The following DST variants were observed in gnomAD, a reference collection of about 807,000 sequenced individuals.
DST encodes dystonin.
A neutral mutation model predicts 875.2 loss-of-function variants in DST; 253 were observed. The ratio of observed to expected loss-of-function variants is 0.29; its 90% CI spans 0.26 to 0.32. DST has a LOEUF of 0.32. Ranked by LOEUF, DST falls within the 10% of genes least tolerant of loss-of-function variation. The pLI, the probability that DST is intolerant of heterozygous loss-of-function variation, is 1.00. For missense variants in DST, 8,287 were observed against 9,111.6 expected (o/e 0.91, Z 3.68); for synonymous variants, 3,124 against 3,197.1 (o/e 0.98, Z 0.77).
chr6:56,860,307 G>A (rs554644214), intron 3 of DST, among the ~76,000 whole-genome samples: 12 of 152,150 alleles, frequency 7.9e-5, no homozygotes, highest in Non-Finnish European at 1.6e-4. Flanking sequence ...GGTAGGGATC[G>A]TGGTAATTGA....
chr6:56,532,505 G>A lies in DST; in HGVS notation c.16947C>T (p.Leu5649=). 7 of 1,587,642 alleles carry A rather than the reference G, an allele frequency of 4.4e-6. No homozygotes were observed. Among genetic ancestry groups the A allele is most frequent in the Non-Finnish European group, 6.0e-6 (7 of 1,166,474 alleles). The change falls in exon 64 of 104, where the codon CTC becomes CTT. Residue 5649 remains leucine (L), a synonymous_variant. Coordinates refer to ENST00000680361, the MANE Select transcript of DST (RefSeq NM_001374736.1). ...VKAQIQEQKL[L]QRLLDDRKST... is the part of the protein sequence containing the mutation. ...ATTTTCGGTCATCCAACAATCTCTGGAGAAGCTTGAGACAAAACATTAAAT... is the reference window on the plus strand; with the variant it reads ...ATTTTCGGTCATCCAACAATCTCTGAAGAAGCTTGAGACAAAACATTAAAT...
At chr6:56,528,755 G>A (rs2096845142) in intron 67 of DST, 86 bp downstream of exon 67, 11 of 927,764 alleles carry the variant, frequency 1.2e-5, no homozygotes, top group Non-Finnish European at 1.3e-5. Flanking sequence ...ATTATAAAGT[G>A]TTTTGGTTTT....
intron 2 of DST, among the ~76,000 whole-genome samples, chr6:56,948,007 G>A (rs1820558879): frequency 6.6e-6 from 1 of 151,716 alleles, no homozygotes; most frequent in Non-Finnish European, 1.5e-5. Flanking sequence ...GCAACACATT[G>A]CCATCAATCA....
chr6:56,570,018 TAAC>T lies in DST; in HGVS notation c.13722-9_13722-7del. 6.4e-7 allele frequency: 1 copy of T among 1,559,906 alleles called. No homozygotes were observed. The highest frequency in any genetic ancestry group is 8.6e-7 in the Non-Finnish European group (1 of 1,156,914). On this transcript the variant is annotated splice_polypyrimidine_tract_variant and splice_region_variant and intron_variant, in intron 53 of 103. Coordinates refer to ENST00000680361, the MANE Select transcript of DST (RefSeq NM_001374736.1). ...AAGAAGTTACAGCTTCTTTTCTACA[TAAC>T]AAAAATCATACAAGAATTTAAGTCA...
intron 2 of DST, among the ~76,000 whole-genome samples, chr6:56,916,087 T>C (rs1488277480): frequency 6.6e-6 from 1 of 152,108 alleles, no homozygotes; most frequent in Non-Finnish European, 1.5e-5. Context: ...AGATAGGTGA[T>C]AGGGAGGAAG....
rs1344704740 is a variant in DST at position 56,670,718 on chromosome 6, A to G, written c.1137T>C (p.Tyr379=). 6.2e-7 allele frequency: 1 copy of G among 1,610,694 alleles called. No homozygotes were observed. The highest frequency in any genetic ancestry group is 8.5e-7 in the Non-Finnish European group (1 of 1,178,422). The change falls in exon 10 of 104, where the codon TAT becomes TAC. Residue 379 remains tyrosine (Y), a synonymous_variant. Coordinates refer to ENST00000680361, the MANE Select transcript of DST (RefSeq NM_001374736.1). ...TGAAATTTTCACACCGAATTCCAGC[A>G]TAACCCTCTGTTGCCTGCTGCGTCC... ...LLWTQQATEG[Y]AGIRCENFTT...
intron 5 of DST, among the ~76,000 whole-genome samples, chr6:56,724,410 G>A (rs947232475): frequency 1.3e-5 from 2 of 152,210 alleles, no homozygotes; most frequent in African/African-American, 2.4e-5. Flanking sequence ...GGTGTTTGGA[G>A]ATTCCAAGTG....
chr6:56,706,923 C>T (rs1242680332), intron 5 of DST, among the ~76,000 whole-genome samples: 4 of 152,030 alleles, frequency 2.6e-5, no homozygotes, highest in South Asian at 4.1e-4. Context: ...GAGAATCACT[C>T]GAACCCAAGA....
Position 56,463,027 on chromosome 6 carries a change from C to A in DST, c.23070+19G>T, listed in dbSNP as rs2152378829. On this transcript the variant is annotated intron_variant, in intron 102 of 103. Transcript: ENST00000680361. ...GTTAAAGGAGAATGTTAAGACTGGA[C>A]TCTGGGGCCTTACAATACCTCTGCA... is the stretch of plus-strand genomic sequence containing the variant. 3 of 1,451,566 alleles carry A rather than the reference C, an allele frequency of 2.1e-6. No homozygotes were observed. The highest frequency in any genetic ancestry group is 2.9e-6 in the Non-Finnish European group (3 of 1,037,524). 89.9% of individuals were successfully genotyped at this position (1,451,566 alleles called of 1,614,324 possible). A position where few individuals can be genotyped will look rare whatever the true frequency, so the allele number is the denominator to read the frequency against.
chr6:56,694,855 G>A (rs765380503), intron 9 of DST, among the ~76,000 whole-genome samples: 15 of 152,086 alleles, frequency 9.9e-5, no homozygotes, highest in Non-Finnish European at 1.6e-4. Flanking sequence ...GGCCAGCAAC[G>A]GCAGTTCATG....
chr6:56,771,811 T>C (rs570568334), intron 4 of DST, among the ~76,000 whole-genome samples: 1 of 152,332 alleles, frequency 6.6e-6, no homozygotes, highest in East Asian at 1.9e-4. Context: ...CACATATACA[T>C]GTATACAAAA....
Position 56,493,990 on chromosome 6 carries a change from A to G in DST, c.20394+20T>C. ...AAACAACTAAAACACTGATTCTATTATATTAATCAAAGCACATACTTTCCT... is the reference window on the plus strand; with the variant it reads ...AAACAACTAAAACACTGATTCTATTGTATTAATCAAAGCACATACTTTCCT... On this transcript the variant is annotated intron_variant, in intron 83 of 103. Coordinates refer to ENST00000680361, the MANE Select transcript of DST (RefSeq NM_001374736.1). 6.5e-7 allele frequency: 1 copy of G among 1,536,810 alleles called. No individual in the cohort carries two copies. The highest frequency in any genetic ancestry group is 8.8e-7 in the Non-Finnish European group (1 of 1,138,966).
chr6:56,825,572 T>C (rs1362621614), intron 4 of DST, among the ~76,000 whole-genome samples: 1 of 152,056 alleles, frequency 6.6e-6, no homozygotes, highest in Non-Finnish European at 1.5e-5. Flanking sequence ...AAAAGTATTC[T>C]ATCTTCTGTT....
chr6:56,542,014 GC>G (rs2097135060), intron 61 of DST, among the ~76,000 whole-genome samples: 2 of 152,260 alleles, frequency 1.3e-5, no homozygotes, highest in South Asian at 4.1e-4. Context: ...CATTTTAACA[GC>G]CTGAATGTTA....
chr6:56,642,848 G>A, intron 15 of DST: 1 of 1,609,068 alleles, frequency 6.2e-7, no homozygotes, highest in East Asian at 2.2e-5. Flanking sequence ...AAGGTAGGAG[G>A]TCTGGAAAAA....
intron 4 of DST, among the ~76,000 whole-genome samples, chr6:56,755,282 A>G (rs948049098): frequency 1.3e-5 from 2 of 152,210 alleles, no homozygotes; most frequent in Non-Finnish European, 2.9e-5. Flanking sequence ...GGAGTTGCAC[A>G]GTTGTGGGTA....
At chr6:56,469,490 A>G (rs1275234386) in intron 97 of DST, among the ~76,000 whole-genome samples, 2 of 152,122 alleles carry the variant, frequency 1.3e-5, no homozygotes, top group African/African-American at 2.4e-5. Context: ...CTCTCTTTTC[A>G]TATTTATTAA....
At chr6:56,754,518 T>C (rs1327687971) in intron 4 of DST, among the ~76,000 whole-genome samples, 1 of 152,132 alleles carries the variant, frequency 6.6e-6, no homozygotes, top group African/African-American at 2.4e-5. Flanking sequence ...TTATCACTAG[T>C]TTCTCCCACA....
At chr6:56,489,467 G>A (rs376300732) in intron 86 of DST, 23 bp downstream of exon 86, 30 of 1,602,668 alleles carry the variant, frequency 1.9e-5, no homozygotes, top group Non-Finnish European at 2.5e-5. Flanking sequence ...GAGACAATAT[G>A]CTCTTCTTAA....
Sources: gnomAD v4.1 joint callset for allele counts (sites outside exome capture counted in the v4.1 genomes callset) on GRCh38, gnomAD v4.1.1 for gene constraint, MANE v1.5 for transcripts, NCBI Gene and HGNC (gene_info 2026-07-23, HGNC 2026-07-21) for gene names.